Variants in TMEM65 observed in about 807,000 individuals in gnomAD.
The protein encoded by TMEM65 is transmembrane protein 65.
TMEM65 carries 22 observed loss-of-function variants against 25.4 expected under a neutral mutation model. That is an observed-to-expected ratio of 0.86 (90% confidence interval 0.62 to 1.23). The LOEUF (loss-of-function observed/expected upper bound fraction) is 1.23. Ranked by LOEUF, TMEM65 falls within the 50% of genes most tolerant of loss-of-function variation. The pLI is 0.00. For synonymous variants in TMEM65, 132 were observed against 126.2 expected, an observed-to-expected ratio of 1.05 and a Z score of -0.31; for missense variants, 262 against 308.2, an observed-to-expected ratio of 0.85 and a Z score of 1.12.
chr8:124,346,919 A>C (rs1814645959), intron 1 of TMEM65, among the ~76,000 whole-genome samples: 1 of 152,240 alleles, frequency 6.6e-6, no homozygotes, highest in Admixed American at 6.5e-5. Context: ...AGTTCAAATG[A>C]GTAAGGTAAA....
chr8:124,354,100 C>A (rs1467202589), intron 1 of TMEM65, among the ~76,000 whole-genome samples: 1 of 151,902 alleles, frequency 6.6e-6, no homozygotes, highest in African/African-American at 2.4e-5. Context: ...AGAGAGAAAC[C>A]CAAATTGGTT....
chr8:124,348,498 C>A (rs1387506180), intron 1 of TMEM65, among the ~76,000 whole-genome samples: 8 of 151,786 alleles, frequency 5.3e-5, no homozygotes, highest in Non-Finnish European at 4.4e-5. Context: ...AAAAAAAAAT[C>A]TTGTTGCTTT....
intron 1 of TMEM65, among the ~76,000 whole-genome samples, chr8:124,348,198 C>T (rs1353390357): frequency 1.3e-5 from 2 of 152,176 alleles, no homozygotes; most frequent in African/African-American, 2.4e-5. Flanking sequence ...CCACCCACCT[C>T]AGCCTCCAAA....
intron 1 of TMEM65, among the ~76,000 whole-genome samples, chr8:124,352,586 T>C (rs1455729686): frequency 6.6e-6 from 1 of 151,766 alleles, no homozygotes; most frequent in Non-Finnish European, 1.5e-5. Flanking sequence ...CCCTAAGAAG[T>C]GGGAGACAGA....
intron 1 of TMEM65, among the ~76,000 whole-genome samples, chr8:124,332,690 C>T (rs912077172): frequency 6.6e-6 from 1 of 152,034 alleles, no homozygotes; most frequent in Admixed American, 6.5e-5. Context: ...AAAATCAAAA[C>T]ACAGATTCTG....
chr8:124,349,352 A>T (rs539819538), intron 1 of TMEM65, among the ~76,000 whole-genome samples: 161 of 152,248 alleles, frequency 1.1e-3, no homozygotes, highest in African/African-American at 3.8e-3. Context: ...TTAAAAAAAA[A>T]TTGAAGTTAA....
At chr8:124,326,046 C>G (rs1814362211) in intron 3 of TMEM65, among the ~76,000 whole-genome samples, 1 of 152,110 alleles carries the variant, frequency 6.6e-6, no homozygotes, top group Non-Finnish European at 1.5e-5. Flanking sequence ...TTTCAGTAGT[C>G]TCCTACACTT....
chr8:124,340,305 T>C (rs1172477626), intron 1 of TMEM65, among the ~76,000 whole-genome samples: 1 of 152,214 alleles, frequency 6.6e-6, no homozygotes, highest in African/African-American at 2.4e-5. Flanking sequence ...TATATCTATA[T>C]ATGTGTGATA....
intron 1 of TMEM65, among the ~76,000 whole-genome samples, chr8:124,347,882 T>A (rs1012938655): frequency 3.0e-4 from 40 of 132,892 alleles, no homozygotes; most frequent in Non-Finnish European, 5.5e-4. Flanking sequence ...AGAGGTACAA[T>A]AATTTTTCTT....
chr8:124,360,130 A>G (rs1361178783), intron 1 of TMEM65, among the ~76,000 whole-genome samples: 4 of 151,998 alleles, frequency 2.6e-5, no homozygotes, highest in East Asian at 1.9e-4. Context: ...AGAAATTTAC[A>G]TCTATAAAAA....
intron 1 of TMEM65, among the ~76,000 whole-genome samples, chr8:124,335,749 C>T (rs1814499011): frequency 1.3e-5 from 2 of 151,784 alleles, no homozygotes; most frequent in South Asian, 4.2e-4. Flanking sequence ...AGTTAAGAAC[C>T]TAATAAGTAA....
chr8:124,315,760 AAT>A (rs1814229430), intron 6 of TMEM65, among the ~76,000 whole-genome samples: 1 of 152,192 alleles, frequency 6.6e-6, no homozygotes, highest in Non-Finnish European at 1.5e-5. Flanking sequence ...GCTTGATATT[AAT>A]AGTCAAAACT....
At chr8:124,339,260 G>C (rs1264820442) in intron 1 of TMEM65, among the ~76,000 whole-genome samples, 1 of 105,712 alleles carries the variant, frequency 9.5e-6, no homozygotes, top group Non-Finnish European at 1.8e-5. Context: ...AAATATTCTT[G>C]CAACAAGTAG....
chr8:124,340,349 G>A (rs1315954337), intron 1 of TMEM65, among the ~76,000 whole-genome samples: 2 of 152,070 alleles, frequency 1.3e-5, no homozygotes, highest in Non-Finnish European at 2.9e-5. Context: ...CCAAATTAAA[G>A]TGTATAAGAA....
chr8:124,314,130 C>A (rs1477436619), intron 6 of TMEM65, 69 bp from the exon 7 acceptor site: 2 of 1,192,076 alleles, frequency 1.7e-6, no homozygotes, highest in Non-Finnish European at 2.5e-6. Context: ...GAGAAAAAAT[C>A]TCACCAGCTC....
intron 1 of TMEM65, among the ~76,000 whole-genome samples, chr8:124,343,134 AAAAC>A (rs1433718063): frequency 1.3e-5 from 2 of 152,192 alleles, no homozygotes; most frequent in African/African-American, 4.8e-5. Context: ...GACAAGTTGT[AAAAC>A]AAATAAGGTT....
rs1814124456 is a variant in TMEM65 at position 124,308,859 on chromosome 8, T to TC, written c.*5100_*5101insG. On this transcript the variant is annotated 3_prime_UTR_variant, in exon 7 of 7. Coordinates refer to ENST00000297632, the MANE Select transcript of TMEM65 (RefSeq NM_194291.3). ...CTAAAGCAAATGGTGGAAGAAGGAT[T>TC]AATACCATATATAGAAATATTTTGA... 1 of 152,172 alleles carries TC rather than the reference T, an allele frequency of 6.6e-6. No individual in the cohort carries two copies. Among genetic ancestry groups the TC allele is most frequent in the South Asian group, 2.1e-4 (1 of 4,826 alleles). The allele number at this position is 152,172 out of a possible 1,614,324, so 9.4% of individuals were successfully genotyped here.
intron 1 of TMEM65, among the ~76,000 whole-genome samples, chr8:124,348,606 A>G (rs1228603628): frequency 6.6e-6 from 1 of 152,214 alleles, no homozygotes; most frequent in Non-Finnish European, 1.5e-5. Flanking sequence ...GGCAAGCTAG[A>G]ATAAAATAAT....
rs1814144924 is a variant in TMEM65 at position 124,310,605 on chromosome 8, CAAT to C, written c.*3352_*3354del. ...ATGTTGTCATTAAGGTGATTAAATG[CAAT>C]AATGTGTGTAAATTACTAGTGCATA... is the stretch of plus-strand genomic sequence containing the variant. On this transcript the variant is annotated 3_prime_UTR_variant, in exon 7 of 7. Transcript: ENST00000297632. The C allele has an allele frequency of 6.6e-6, 1 of 151,928 alleles. No individual in the cohort carries two copies. Among genetic ancestry groups the C allele is most frequent in the African/African-American group, 2.4e-5 (1 of 41,354 alleles). 9.4% of individuals were successfully genotyped at this position (151,928 alleles called of 1,614,324 possible).
Sources: gnomAD v4.1 joint callset for allele counts (sites outside exome capture counted in the v4.1 genomes callset) on GRCh38, gnomAD v4.1.1 for gene constraint, MANE v1.5 for transcripts, NCBI Gene and HGNC (gene_info 2026-07-23, HGNC 2026-07-21) for gene names.